The following JMJD1C variants were observed in gnomAD, a reference collection of about 807,000 sequenced individuals.
The protein encoded by JMJD1C is jumonji domain containing 1C.
JMJD1C carries 31 observed loss-of-function variants against 245.3 expected under a neutral mutation model. The observed-to-expected ratio is 0.13, with a 90% CI of 0.09 to 0.17. The LOEUF (loss-of-function observed/expected upper bound fraction) is 0.17, where lower values mean the gene tolerates loss of function less well. Ranked by LOEUF, JMJD1C falls within the 10% of genes least tolerant of loss-of-function variation. The probability of loss-of-function intolerance (pLI) is 1.00; values close to 1 mark genes in which losing one functional copy is unlikely to be tolerated. For synonymous variants in JMJD1C, 1,057 were observed against 1,017.4 expected (o/e 1.04, Z -0.74); for missense variants, 2,691 against 3,000.2 (o/e 0.90, Z 2.41).
At chr10:63,288,036 C>A (rs888401594) in intron 2 of JMJD1C, among the ~76,000 whole-genome samples, 2 of 152,094 alleles carry the variant, frequency 1.3e-5, no homozygotes, top group Admixed American at 1.3e-4. Flanking sequence ...TGAGCCACTG[C>A]GCCCAGCTAA....
intron 2 of JMJD1C, among the ~76,000 whole-genome samples, chr10:63,348,921 T>C (rs1481457945): frequency 2.0e-5 from 3 of 151,758 alleles, no homozygotes; most frequent in South Asian, 4.2e-4. Flanking sequence ...GCCAACATGG[T>C]GAAACCCCGT....
chr10:63,348,780 C>G (rs1417617780), intron 2 of JMJD1C, among the ~76,000 whole-genome samples: 1 of 152,050 alleles, frequency 6.6e-6, no homozygotes, highest in Non-Finnish European at 1.5e-5. Flanking sequence ...TGGGTGAGTT[C>G]TCACTCTATT....
At chr10:63,176,520 G>GT (rs1257014823) in intron 23 of JMJD1C, 47 bp from the exon 24 acceptor site, 1 of 1,391,820 alleles carries the variant, frequency 7.2e-7, no homozygotes, top group South Asian at 1.2e-5. Flanking sequence ...TAAGGAAATG[G>GT]TAAATCCTGT....
intron 2 of JMJD1C, among the ~76,000 whole-genome samples, chr10:63,309,401 G>T (rs1352728435): frequency 6.6e-6 from 1 of 150,638 alleles, no homozygotes; most frequent in African/African-American, 2.5e-5. Flanking sequence ...GGCTGAGGCA[G>T]GGGAATCGCT....
At chr10:63,198,483 T>C (rs1845689350) in intron 12 of JMJD1C, 30 bp downstream of exon 12, 2 of 1,285,370 alleles carry the variant, frequency 1.6e-6, no homozygotes, top group South Asian at 2.7e-5. Flanking sequence ...ATGAAATTTG[T>C]GCAGTTCATG....
chr10:63,211,103 C>T (rs950759353), intron 8 of JMJD1C, among the ~76,000 whole-genome samples: 2 of 152,146 alleles, frequency 1.3e-5, no homozygotes, highest in African/African-American at 4.8e-5. Flanking sequence ...CAGGAAACAT[C>T]TTTCAAAACT....
intron 1 of JMJD1C, among the ~76,000 whole-genome samples, chr10:63,488,619 A>G (rs565539180): frequency 6.6e-6 from 1 of 152,286 alleles, no homozygotes; most frequent in East Asian, 1.9e-4. Flanking sequence ...AGCACTCATT[A>G]TATCCATTTA....
chr10:63,263,601 C>T (rs991347970), intron 3 of JMJD1C, among the ~76,000 whole-genome samples: 5 of 152,140 alleles, frequency 3.3e-5, no homozygotes, highest in African/African-American at 1.2e-4. Flanking sequence ...AAAAAGAAAT[C>T]TATAATATAT....
chr10:63,194,276 A>T lies in JMJD1C; in HGVS notation c.5734+10T>A. The T allele has an allele frequency of 6.4e-7, 1 of 1,561,412 alleles. No individual in the cohort carries two copies. Among genetic ancestry groups the T allele is most frequent in the Non-Finnish European group, 8.8e-7 (1 of 1,132,068 alleles). On this transcript the variant is annotated intron_variant, in intron 14 of 25. Coordinates refer to ENST00000399262, the MANE Select transcript of JMJD1C (RefSeq NM_032776.3). ...AGAGCAGTTATATTACATGAAGAAG[A>T]TATACTTACCAGAACCAGGTATAAT...
At chr10:63,177,975 T>C in intron 22 of JMJD1C, 119 bp from the exon 23 acceptor site, 1 of 1,067,258 alleles carries the variant, frequency 9.4e-7, no homozygotes, top group Non-Finnish European at 1.3e-6. Context: ...TTTTCTTTTT[T>C]GGTCACCCAG....
At chr10:63,298,265 G>A in intron 2 of JMJD1C, among the ~76,000 whole-genome samples, 1 of 152,204 alleles carries the variant, frequency 6.6e-6, no homozygotes, top group Non-Finnish European at 1.5e-5. Flanking sequence ...GGCAGAATGA[G>A]CCCAGTGGGA....
At position 63,214,869 on chromosome 10, in the gene JMJD1C, G is replaced by A. The variant is rs1202972977; in HGVS notation, c.1298C>T (p.Pro433Leu). Residue 433 changes from proline to leucine, a missense_variant, in exon 8 of 26, where the codon CCC becomes CTC. By Grantham distance (98) the Pro-to-Leu change is moderately conservative. Around this residue, in one of 9 missense-constraint regions of JMJD1C, gnomAD observed 1,562 missense variants for 1,490.7 expected, o/e 1.05. Coordinates refer to ENST00000399262, the MANE Select transcript of JMJD1C (RefSeq NM_032776.3). ...GEETLKNSQP[P>L]WDQIQEDKKH... ...TTTATCTTCCTGTATTTGATCCCAG[G>A]GAGGCTGGCTATTTTTTAGGGTCTC... 2 of 1,613,652 alleles carry A rather than the reference G, an allele frequency of 1.2e-6. No individual in the cohort carries two copies. The highest frequency in any genetic ancestry group is 2.2e-5 in the East Asian group (1 of 44,872).
rs998819138 is a variant in JMJD1C at position 63,167,931 on chromosome 10, G to A, written c.*114C>T. On this transcript the variant is annotated 3_prime_UTR_variant, in exon 26 of 26. Transcript: ENST00000399262. ...CAGTAACAAGTAATTACTACAAAGA[G>A]AATTTCTTGGCACTGATGGTTTTAT... The A allele has an allele frequency of 1.5e-6, 1 of 676,550 alleles. No individual in the cohort carries two copies. Among genetic ancestry groups the A allele is most frequent in the African/African-American group, 1.8e-5 (1 of 56,192 alleles). The allele number at this position is 676,550 out of a possible 1,614,324, so 41.9% of individuals were successfully genotyped here. A position where few individuals can be genotyped will look rare whatever the true frequency, so the allele number is the denominator to read the frequency against.
chr10:63,248,228 C>T lies in JMJD1C; in HGVS notation c.447+16423G>A, dbSNP rs545127550. 6.6e-5 allele frequency among the ~76,000 whole-genome samples: 10 copies of T among 151,944 alleles called. 1 individual carries two copies. The highest frequency in any genetic ancestry group is 4.2e-4 in the South Asian group (2 of 4,802). On this transcript the variant is annotated intron_variant, in intron 3 of 25. Coordinates refer to ENST00000399262, the MANE Select transcript of JMJD1C (RefSeq NM_032776.3). ...CTGTAATCCCAGCACTTTGGGAGGC[C>T]GAGGCAGGTGGATCACAAGGTCAGG...
At position 63,193,069 on chromosome 10, in the gene JMJD1C, G is replaced by C. The variant is rs371819371; in HGVS notation, c.5945C>G (p.Ser1982Cys). The change falls in exon 16 of 26, where the codon TCT becomes TGT. Residue 1982 changes from serine to cysteine, a missense_variant. By Grantham distance (112) the Ser-to-Cys change is moderately radical. This residue lies in a region of JMJD1C where 275 missense variants were observed against 285.5 expected (regional missense o/e 0.96). Transcript: ENST00000399262. ...TGGGCTGCTGCCACCATTTTTCTCAGACTTCGGAGGAGTATTTTGCTGCTG... is the reference window on the plus strand; with the variant it reads ...TGGGCTGCTGCCACCATTTTTCTCACACTTCGGAGGAGTATTTTGCTGCTG... ...ESQQQNTPPK[S>C]EKNGGSSPES... 86 of 1,613,976 alleles carry C rather than the reference G, an allele frequency of 5.3e-5. No individual in the cohort carries two copies. The highest frequency in any genetic ancestry group is 7.0e-5 in the Non-Finnish European group (83 of 1,180,004).
chr10:63,280,503 T>C (rs1388562091), intron 2 of JMJD1C, among the ~76,000 whole-genome samples: 3 of 151,930 alleles, frequency 2.0e-5, no homozygotes, highest in African/African-American at 7.3e-5. Flanking sequence ...TGGGGCGAGA[T>C]GGCATCACTG....
At chr10:63,419,151 C>A (rs1004757078) in intron 1 of JMJD1C, among the ~76,000 whole-genome samples, 1 of 150,446 alleles carries the variant, frequency 6.6e-6, no homozygotes, top group Admixed American at 6.7e-5. Context: ...TTTGGGAGGC[C>A]GAGGAGGGTC....
At chr10:63,266,273 A>G (rs1465909021) in intron 2 of JMJD1C, among the ~76,000 whole-genome samples, 6 of 152,098 alleles carry the variant, frequency 3.9e-5, no homozygotes, top group Non-Finnish European at 8.8e-5. Context: ...TATCAAAATT[A>G]CTATTATTTG....
rs1844051481 is a variant in JMJD1C, at chr10:63,185,709, T to C, written c.6740-56A>G. On this transcript the variant is annotated intron_variant, in intron 19 of 25. Coordinates refer to ENST00000399262, the MANE Select transcript of JMJD1C (RefSeq NM_032776.3). The stretch of plus-strand genomic sequence containing the variant: ...GTAATTTCTGCCTTTTTATCTTTAT[T>C]AACATTTGGAAAGAAACGTAAATGA... The C allele has an allele frequency of 5.1e-6, 5 of 977,436 alleles. No homozygotes were observed. The African/African-American group carries it at 8.0e-5, about 16-fold the overall frequency. 60.5% of individuals were successfully genotyped at this position (977,436 alleles called of 1,614,324 possible). A position where few individuals can be genotyped will look rare whatever the true frequency, so the allele number is the denominator to read the frequency against.
Sources: gnomAD v4.1 joint callset for allele counts (sites outside exome capture counted in the v4.1 genomes callset) on GRCh38, gnomAD v4.1.1 for gene constraint, gnomAD v4.1.1 regional missense constraint, MANE v1.5 for transcripts, NCBI Gene and HGNC (gene_info 2026-07-23, HGNC 2026-07-21) for gene names.